MAPK4: variants seen among roughly 807,000 people sequenced by gnomAD.
MAPK4 encodes the protein Erk3-related.
A neutral mutation model predicts 47.7 loss-of-function variants in MAPK4; 22 were observed. That is an observed-to-expected ratio of 0.46 (90% confidence interval 0.33 to 0.66). MAPK4 has a LOEUF of 0.66. Ranked by LOEUF, MAPK4 falls within the 30% of genes least tolerant of loss-of-function variation. The pLI, the probability that MAPK4 is intolerant of heterozygous loss-of-function variation, is 0.02. For synonymous variants in MAPK4, 390 were observed against 365.7 expected (o/e 1.07, Z -0.76); for missense variants, 736 against 831.7 (o/e 0.88, Z 1.42).
At chr18:50,675,466 G>A (rs1326122051) in intron 2 of MAPK4, among the ~76,000 whole-genome samples, 1 of 151,082 alleles carries the variant, frequency 6.6e-6, no homozygotes, top group Non-Finnish European at 1.5e-5. Flanking sequence ...ACAGGTGCCT[G>A]CCACCAGGCC....
At chr18:50,618,338 T>A (rs1311263789) in intron 1 of MAPK4, among the ~76,000 whole-genome samples, 1 of 152,190 alleles carries the variant, frequency 6.6e-6, no homozygotes, top group Admixed American at 6.5e-5. Flanking sequence ...CTGTACCTGT[T>A]TTTCCATTTC....
chr18:50,634,722 C>G (rs1201189703), intron 1 of MAPK4, among the ~76,000 whole-genome samples: 3 of 152,174 alleles, frequency 2.0e-5, no homozygotes, highest in African/African-American at 7.2e-5. Flanking sequence ...CCAGGAATTA[C>G]CAAGGATGAA....
At chr18:50,580,694 C>G (rs1204747539) in intron 1 of MAPK4, among the ~76,000 whole-genome samples, 1 of 152,204 alleles carries the variant, frequency 6.6e-6, no homozygotes, top group Non-Finnish European at 1.5e-5. Context: ...TCTGCCTTCT[C>G]TCTTTCATGG....
intron 2 of MAPK4, among the ~76,000 whole-genome samples, chr18:50,696,617 C>T (rs568018568): frequency 1.3e-5 from 2 of 152,250 alleles, no homozygotes; most frequent in South Asian, 2.1e-4. Context: ...CCTCATCTTC[C>T]GGCTGAAAGC....
intron 1 of MAPK4, among the ~76,000 whole-genome samples, chr18:50,614,025 T>C (rs149480395): frequency 6.6e-6 from 1 of 152,182 alleles, no homozygotes; most frequent in Non-Finnish European, 1.5e-5. Flanking sequence ...TATAGTGACA[T>C]GTGGAAAGCT....
At chr18:50,690,721 G>A (rs1909165969) in intron 2 of MAPK4, among the ~76,000 whole-genome samples, 1 of 152,206 alleles carries the variant, frequency 6.6e-6, no homozygotes. Flanking sequence ...TTCCTCTTAG[G>A]GAATGGAGGT....
In MAPK4 at chr18:50,729,694, C is replaced by G. The variant is rs889167744; in HGVS notation, c.1604C>G (p.Pro535Arg). ...GCCCCGGTGGACGGCGGCGCCAGCC[C>G]CCAGTTCGACCTGGACGTGTTCATC... Reference protein sequence around the residue: ...RPAPVDGGASPQFDLDVFISR... With the variant: ...RPAPVDGGASRQFDLDVFISR... Residue 535 changes from proline (P) to arginine (R), a missense_variant, in exon 6 of 6, where the codon CCC becomes CGC. Coordinates refer to ENST00000400384, the MANE Select transcript of MAPK4 (RefSeq NM_002747.4). 7.7e-6 allele frequency: 12 copies of G among 1,556,390 alleles called. No homozygotes were observed. Among genetic ancestry groups the G allele is most frequent in the Middle Eastern group, 1.7e-4 (1 of 5,996 alleles).
At chr18:50,635,277 A>C (rs1220241683) in intron 1 of MAPK4, among the ~76,000 whole-genome samples, 1 of 152,012 alleles carries the variant, frequency 6.6e-6, no homozygotes, top group African/African-American at 2.4e-5. Flanking sequence ...TTGCATCCCC[A>C]TATATCTAGT....
intron 2 of MAPK4, among the ~76,000 whole-genome samples, chr18:50,680,864 G>A (rs1240042984): frequency 6.6e-6 from 1 of 152,036 alleles, no homozygotes; most frequent in Non-Finnish European, 1.5e-5. Flanking sequence ...CTACTTTTTG[G>A]CTCTTATGAT....
chr18:50,684,806 A>C (rs191446099), intron 2 of MAPK4, among the ~76,000 whole-genome samples: 44 of 152,250 alleles, frequency 2.9e-4, no homozygotes, highest in Admixed American at 5.2e-4. Flanking sequence ...CATCAGTGGG[A>C]AGGCACTGGG....
At chr18:50,572,860 AATT>A (rs1321149618) in intron 1 of MAPK4, among the ~76,000 whole-genome samples, 1 of 152,220 alleles carries the variant, frequency 6.6e-6, no homozygotes, top group Non-Finnish European at 1.5e-5. Context: ...ATTATTATTT[AATT>A]ATCACCACCA....
intron 2 of MAPK4, among the ~76,000 whole-genome samples, chr18:50,688,313 G>C (rs1479525494): frequency 6.6e-6 from 1 of 152,126 alleles, no homozygotes; most frequent in Non-Finnish European, 1.5e-5. Flanking sequence ...AGGCACAGAC[G>C]GCCCCAAAAG....
chr18:50,602,353 C>G (rs2042548138), intron 1 of MAPK4, among the ~76,000 whole-genome samples: 1 of 152,324 alleles, frequency 6.6e-6, no homozygotes, highest in East Asian at 1.9e-4. Flanking sequence ...TTACCTTTCC[C>G]TGAACCCATT....
chr18:50,596,952 T>G (rs962803740), intron 1 of MAPK4, among the ~76,000 whole-genome samples: 16 of 152,228 alleles, frequency 1.1e-4, no homozygotes, highest in African/African-American at 3.9e-4. Flanking sequence ...GTGTCATTAT[T>G]TTTTAACCTG....
At chr18:50,715,399 AG>A (rs1372483921) in intron 3 of MAPK4, among the ~76,000 whole-genome samples, 176 bp downstream of exon 3, 1 of 152,198 alleles carries the variant, frequency 6.6e-6, no homozygotes. Flanking sequence ...AAAATACTGG[AG>A]AGGCTAAAAA....
At chr18:50,696,995 C>G (rs1909548411) in intron 2 of MAPK4, among the ~76,000 whole-genome samples, 1 of 152,114 alleles carries the variant, frequency 6.6e-6, no homozygotes, top group South Asian at 2.1e-4. Context: ...GGTGCAGAGA[C>G]TTGGTGGTGG....
chr18:50,679,749 G>A (rs763305807), intron 2 of MAPK4, among the ~76,000 whole-genome samples: 11 of 152,170 alleles, frequency 7.2e-5, no homozygotes, highest in African/African-American at 9.7e-5. Flanking sequence ...TCGGGCTTCC[G>A]CTTTGCCCAG....
At chr18:50,633,225 A>G (rs978321375) in intron 1 of MAPK4, among the ~76,000 whole-genome samples, 1 of 152,198 alleles carries the variant, frequency 6.6e-6, no homozygotes, top group African/African-American at 2.4e-5. Context: ...CGTGGAGTCT[A>G]GAGACTTTGC....
intron 1 of MAPK4, among the ~76,000 whole-genome samples, chr18:50,631,510 A>G (rs1161414151): frequency 6.6e-6 from 1 of 152,210 alleles, no homozygotes; most frequent in Non-Finnish European, 1.5e-5. Context: ...ACCATGAATA[A>G]AGAGGGTCAA....
Sources: gnomAD v4.1 joint callset for allele counts (sites outside exome capture counted in the v4.1 genomes callset) on GRCh38, gnomAD v4.1.1 for gene constraint, MANE v1.5 for transcripts, NCBI Gene and HGNC (gene_info 2026-07-23, HGNC 2026-07-21) for gene names.